Variants in TUBB6 observed in about 807,000 individuals in gnomAD.
The protein encoded by TUBB6 is tubulin beta-6 chain.
A neutral mutation model predicts 32.3 loss-of-function variants in TUBB6; 18 were observed. That is an observed-to-expected ratio of 0.56 (90% CI 0.39 to 0.83). The LOEUF is 0.83. Among genes scored for constraint, TUBB6 ranks in the 40% least tolerant of loss-of-function variants. The pLI is 0.00. For missense variants in TUBB6, 480 were observed against 632.0 expected, an observed-to-expected ratio of 0.76 and a Z score of 2.58; for synonymous variants, 280 against 265.8, an observed-to-expected ratio of 1.05 and a Z score of -0.52.
intron 2 of TUBB6, among the ~76,000 whole-genome samples, chr18:12,309,413 C>G (rs994221089): frequency 1.3e-5 from 1 of 76,462 alleles, no homozygotes; most frequent in Admixed American, 1.3e-4. Context: ...CCCCCCCCCC[C>G]CAGTTTAAAA....
chr18:12,311,454 G>A (rs900076644), intron 3 of TUBB6, among the ~76,000 whole-genome samples: 15 of 152,024 alleles, frequency 9.9e-5, no homozygotes, highest in Admixed American at 1.3e-4. Context: ...AAAATTAGCC[G>A]GGCATGGTGG....
Position 12,308,270 on chromosome 18 carries a change from C to A in TUBB6, c.-23C>A. 7.0e-7 allele frequency: 1 copy of A among 1,430,834 alleles called. No individual in the cohort carries two copies. Among genetic ancestry groups the A allele is most frequent in the Non-Finnish European group, 9.2e-7 (1 of 1,086,202 alleles). The allele number at this position is 1,430,834 out of a possible 1,614,324, so 88.6% of individuals were successfully genotyped here. ...GCCGCTGTCGTCCGCAGAGCCAGTT[C>A]CTAGCGCAGAGCCGCGCCCGCCATG... On this transcript the variant is annotated 5_prime_UTR_variant, in exon 1 of 4. Transcript: ENST00000317702.
chr18:12,308,402 C>G (rs1457330047), intron 1 of TUBB6, 53 bp downstream of exon 1: 2 of 1,274,382 alleles, frequency 1.6e-6, no homozygotes, highest in Non-Finnish European at 1.0e-6. Context: ...TGGCGGGCCC[C>G]GGGTCTCCCG....
chr18:12,327,092 ATATTTTTGCT>A (rs1235969271), downstream of TUBB6, among the ~76,000 whole-genome samples: 2 of 152,204 alleles, frequency 1.3e-5, no homozygotes, highest in Non-Finnish European at 2.9e-5. Flanking sequence ...ACTGTTGACA[ATATTTTTGCT>A]TTACTTCTTC....
intron 2 of TUBB6, 100 bp from the exon 3 acceptor site, chr18:12,310,843 T>C: frequency 1.4e-6 from 1 of 733,090 alleles, no homozygotes; most frequent in South Asian, 1.8e-5. Flanking sequence ...CCCTGGTTGA[T>C]CCATTCCAGG....
chr18:12,320,934 G>GC (rs1421393084), intron 3 of TUBB6, among the ~76,000 whole-genome samples: 1 of 152,200 alleles, frequency 6.6e-6, no homozygotes, highest in Non-Finnish European at 1.5e-5. Flanking sequence ...ATCTCCAGTA[G>GC]CTCCCGTGGG....
At chr18:12,316,038 G>A (rs545883172) in intron 3 of TUBB6, among the ~76,000 whole-genome samples, 3 of 152,334 alleles carry the variant, frequency 2.0e-5, no homozygotes, top group Non-Finnish European at 2.9e-5. Context: ...GTCTGGCCCC[G>A]GCCCAGTCTG....
chr18:12,318,680 A>G (rs554247182), intron 3 of TUBB6, among the ~76,000 whole-genome samples: 61 of 152,196 alleles, frequency 4.0e-4, no homozygotes, highest in African/African-American at 1.5e-3. Flanking sequence ...GACAAGTGCA[A>G]GGGCCCTCTG....
chr18:12,312,980 CA>C (rs1906469182), intron 3 of TUBB6, among the ~76,000 whole-genome samples: 1 of 85,272 alleles, frequency 1.2e-5, no homozygotes, highest in African/African-American at 4.8e-5. Flanking sequence ...GCCTGGGCAA[CA>C]AGAGTGAAAT....
chr18:12,326,237 T>TG lies in TUBB6; in HGVS notation c.*109dup. On this transcript the variant is annotated 3_prime_UTR_variant, in exon 4 of 4. Transcript: ENST00000317702. ...GAATGGTGCACTGGTTTAATTGTGTTGGTGTCGGCCCCTCACAAATGCAGC... is the reference window on the plus strand; with the variant it reads ...GAATGGTGCACTGGTTTAATTGTGTTGGGTGTCGGCCCCTCACAAATGCAGC... The TG allele has an allele frequency of 4.2e-6, 6 of 1,438,834 alleles. No individual in the cohort carries two copies. Among genetic ancestry groups the TG allele is most frequent in the Non-Finnish European group, 5.5e-6 (6 of 1,089,428 alleles). The allele number at this position is 1,438,834 out of a possible 1,614,324, so 89.1% of individuals were successfully genotyped here.
intron 2 of TUBB6, among the ~76,000 whole-genome samples, chr18:12,310,275 G>A (rs1906295691): frequency 6.6e-6 from 1 of 151,956 alleles, no homozygotes; most frequent in Non-Finnish European, 1.5e-5. Context: ...AGATCACAAG[G>A]TCAGGAGATC....
chr18:12,327,919 A>G (rs901010212), downstream of TUBB6, among the ~76,000 whole-genome samples: 1 of 152,180 alleles, frequency 6.6e-6, no homozygotes, highest in Non-Finnish European at 1.5e-5. Flanking sequence ...AGGAGTAGAG[A>G]GCGTCTCCTA....
In TUBB6 at chr18:12,311,070, T is replaced by C. The variant is rs1287348170; in HGVS notation, c.277+17T>C. ...TCATCTTTGGTAGGTTCCATCTTTC[T>C]CACTTTCTTCTTCTTCTTTTATTTT... On this transcript the variant is annotated intron_variant, in intron 3 of 3. Coordinates refer to ENST00000317702, the MANE Select transcript of TUBB6 (RefSeq NM_032525.3). 2 of 1,573,780 alleles carry C rather than the reference T, an allele frequency of 1.3e-6. No individual in the cohort carries two copies. The highest frequency in any genetic ancestry group is 4.5e-5 in the East Asian group (2 of 44,550).
downstream of TUBB6, among the ~76,000 whole-genome samples, chr18:12,326,983 C>T (rs1260162024): frequency 6.6e-6 from 1 of 152,198 alleles, no homozygotes; most frequent in Non-Finnish European, 1.5e-5. Context: ...TGACCCATCA[C>T]ACCTGATGGC....
chr18:12,312,954 G>A (rs569088617), intron 3 of TUBB6, among the ~76,000 whole-genome samples: 20 of 126,474 alleles, frequency 1.6e-4, no homozygotes, highest in South Asian at 1.0e-3. Context: ...AACCAAGATC[G>A]CACCATTGCA....
In TUBB6 at chr18:12,325,233, C is replaced by T. The variant is rs1230216320; in HGVS notation, c.444C>T (p.Gly148=). The change falls in exon 4 of 4, where the codon GGC becomes GGT. Residue 148 remains glycine, a synonymous_variant. Coordinates refer to ENST00000317702, the MANE Select transcript of TUBB6 (RefSeq NM_032525.3). The stretch of plus-strand genomic sequence containing the variant: ...GCGGCGGCACGGGCTCAGGCATGGG[C>T]ACGCTGCTCATCAGCAAGATCCGTG... ...SLGGGTGSGM[G]TLLISKIREE... 2 of 1,614,134 alleles carry T rather than the reference C, an allele frequency of 1.2e-6. No homozygotes were observed. Among genetic ancestry groups the T allele is most frequent in the East Asian group, 4.5e-5 (2 of 44,886 alleles).
chr18:12,308,415 G>GGGGGT, intron 1 of TUBB6, 66 bp downstream of exon 1: 2 of 1,222,696 alleles, frequency 1.6e-6, no homozygotes, highest in Non-Finnish European at 2.1e-6. Context: ...GTCTCCCGGC[G>GGGGGT]CGACCCCCGC....
chr18:12,318,261 GT>G (rs1478405548), intron 3 of TUBB6, among the ~76,000 whole-genome samples: 1 of 151,600 alleles, frequency 6.6e-6, no homozygotes, highest in African/African-American at 2.4e-5. Context: ...GCTAGGTTGG[GT>G]GGGGAAGGGG....
chr18:12,312,326 T>C (rs1423304213), intron 3 of TUBB6, among the ~76,000 whole-genome samples: 1 of 150,054 alleles, frequency 6.7e-6, no homozygotes, highest in African/African-American at 2.5e-5. Flanking sequence ...AATATATTAA[T>C]AGCACATTGT....
Sources: gnomAD v4.1 joint callset for allele counts (sites outside exome capture counted in the v4.1 genomes callset) on GRCh38, gnomAD v4.1.1 for gene constraint, MANE v1.5 for transcripts, NCBI Gene and HGNC (gene_info 2026-07-23, HGNC 2026-07-21) for gene names.